Variants in MICU3 observed in about 807,000 individuals in gnomAD.
MICU3 encodes mitochondrial calcium uptake 3.
A neutral mutation model predicts 66.5 loss-of-function variants in MICU3; 62 were observed. The observed-to-expected ratio is 0.93, with a 90% CI of 0.76 to 1.15. The LOEUF is 1.15. MICU3 is among the 50% of genes most tolerant of loss of function. The pLI is 0.00. For missense variants in MICU3, 779 were observed against 664.4 expected (o/e 1.17, Z -1.90); for synonymous variants, 308 against 240.7 (o/e 1.28, Z -2.59).
At chr8:17,042,826 A>G (rs938468789) in intron 1 of MICU3, among the ~76,000 whole-genome samples, 2 of 151,444 alleles carry the variant, frequency 1.3e-5, no homozygotes, top group Non-Finnish European at 2.9e-5. Context: ...GATGATATCT[A>G]TCCAGTTGAC....
At chr8:17,070,657 AAG>A (rs1819438499) in intron 3 of MICU3, among the ~76,000 whole-genome samples, 1 of 151,366 alleles carries the variant, frequency 6.6e-6, no homozygotes, top group Non-Finnish European at 1.5e-5. Flanking sequence ...TTTTAAAAAA[AAG>A]AATATTAGAA....
intron 8 of MICU3, among the ~76,000 whole-genome samples, chr8:17,092,949 G>A (rs914036424): frequency 4.6e-5 from 7 of 151,970 alleles, no homozygotes; most frequent in Admixed American, 4.6e-4. Flanking sequence ...GTTTCCTCAG[G>A]GAAAGCAGTG....
At position 17,036,816 on chromosome 8, in the gene MICU3, G is replaced by A. The variant is rs192656960; in HGVS notation, c.381+9156G>A. Among the ~76,000 whole-genome samples, 1,408 of 152,340 alleles carry A rather than the reference G, an allele frequency of 9.2e-3. 25 individuals are homozygous for A. The highest frequency in any genetic ancestry group is 0.032 in the African/African-American group (1,319 of 41,592). ...CCTGCCAGTCCCGCGCCGTGCGCTCGCACTCCTCAGCCCTTGGGTGGTCGA... is the reference window on the plus strand; with the variant it reads ...CCTGCCAGTCCCGCGCCGTGCGCTCACACTCCTCAGCCCTTGGGTGGTCGA... On this transcript the variant is annotated intron_variant, in intron 1 of 14. Transcript: ENST00000318063.
intron 11 of MICU3, among the ~76,000 whole-genome samples, chr8:17,109,461 T>C (rs1170355281): frequency 6.6e-6 from 1 of 152,118 alleles, no homozygotes; most frequent in Non-Finnish European, 1.5e-5. Flanking sequence ...AAATATATCA[T>C]GATATATCTA....
intron 2 of MICU3, 76 bp downstream of exon 2, chr8:17,064,313 TAA>T (rs1253737744): frequency 1.6e-5 from 19 of 1,164,950 alleles, no homozygotes; most frequent in Non-Finnish European, 1.2e-6. Flanking sequence ...TGGAGCAGTA[TAA>T]GTTTTTTAGA....
chr8:17,054,884 GC>G (rs1816675627), intron 1 of MICU3, among the ~76,000 whole-genome samples: 1 of 151,358 alleles, frequency 6.6e-6, no homozygotes, highest in Admixed American at 6.6e-5. Flanking sequence ...GATTACAGGC[GC>G]CCGCCACCAT....
At chr8:17,079,306 T>A (rs750212070) in intron 4 of MICU3, among the ~76,000 whole-genome samples, 2 of 152,158 alleles carry the variant, frequency 1.3e-5, no homozygotes, top group Non-Finnish European at 2.9e-5. Flanking sequence ...TAGTTGTATT[T>A]GATTTTAAGT....
At chr8:17,043,794 C>G (rs1010926589) in intron 1 of MICU3, among the ~76,000 whole-genome samples, 6 of 152,188 alleles carry the variant, frequency 3.9e-5, no homozygotes, top group African/African-American at 1.4e-4. Flanking sequence ...TGATTCAAGT[C>G]TTTTATAATA....
intron 8 of MICU3, among the ~76,000 whole-genome samples, chr8:17,094,496 A>G (rs1424926188): frequency 6.6e-6 from 1 of 152,012 alleles, no homozygotes; most frequent in East Asian, 1.9e-4. Flanking sequence ...TGTTTTACAT[A>G]TTTTGCAGAT....
intron 4 of MICU3, among the ~76,000 whole-genome samples, chr8:17,078,078 T>A (rs1178496579): frequency 6.6e-6 from 1 of 152,012 alleles, no homozygotes; most frequent in Non-Finnish European, 1.5e-5. Context: ...TTCATGTTAT[T>A]GTTTATATAT....
In MICU3 at chr8:17,116,691, T is replaced by G. The variant is rs1050264875; in HGVS notation, c.1524+91T>G. ...AGTTGAGAAATAATTTATCTTAATT[T>G]CTTAAGGATATAAACATGAATGCTT... On this transcript the variant is annotated intron_variant, in intron 13 of 14. Transcript: ENST00000318063. The G allele has an allele frequency of 2.0e-5, 20 of 987,274 alleles. No individual in the cohort carries two copies. The Admixed American group carries it at 6.4e-4, about 32-fold the overall frequency. 61.2% of individuals were successfully genotyped at this position (987,274 alleles called of 1,614,324 possible). A position where few individuals can be genotyped will look rare whatever the true frequency, so the allele number is the denominator to read the frequency against.
intron 3 of MICU3, among the ~76,000 whole-genome samples, chr8:17,076,776 G>T (rs1012842695): frequency 1.3e-4 from 20 of 152,198 alleles, no homozygotes; most frequent in Admixed American, 1.2e-3. Context: ...TTGTGGTTCA[G>T]TAGGTCTGGG....
chr8:17,118,102 T>C lies in MICU3; in HGVS notation c.1525-605T>C, dbSNP rs574765801. Among the ~76,000 whole-genome samples the C allele has an allele frequency of 2.4e-4, 36 of 152,308 alleles. No individual in the cohort carries two copies. In the South Asian group the frequency reaches 2.7e-3, roughly 11 times the overall value. ...CCAGAAGTACTTGAAACAAGTTACATTGAAAATCGTTTATTTTGCCTCAAA... is the reference window on the plus strand; with the variant it reads ...CCAGAAGTACTTGAAACAAGTTACACTGAAAATCGTTTATTTTGCCTCAAA... On this transcript the variant is annotated intron_variant, in intron 13 of 14. Transcript: ENST00000318063.
chr8:17,030,462 G>A (rs1811827963), intron 1 of MICU3, among the ~76,000 whole-genome samples: 1 of 152,150 alleles, frequency 6.6e-6, no homozygotes, highest in Non-Finnish European at 1.5e-5. Context: ...GGAGAGATGA[G>A]AGGTGCAGTA....
intron 12 of MICU3, among the ~76,000 whole-genome samples, chr8:17,115,526 T>C (rs1372440959): frequency 2.0e-5 from 3 of 152,172 alleles, no homozygotes; most frequent in African/African-American, 7.2e-5. Flanking sequence ...TCACCTGTCT[T>C]GCAGGCGCTA....
intron 1 of MICU3, among the ~76,000 whole-genome samples, chr8:17,054,638 G>T (rs957088526): frequency 1.3e-5 from 2 of 151,956 alleles, no homozygotes; most frequent in African/African-American, 4.8e-5. Flanking sequence ...GGGTAGGTTT[G>T]TGGAGGCAGA....
At chr8:17,077,073 A>G (rs755675177) in intron 3 of MICU3, among the ~76,000 whole-genome samples, 2 of 152,224 alleles carry the variant, frequency 1.3e-5, no homozygotes, top group African/African-American at 2.4e-5. Context: ...ATGAGTAATG[A>G]TTCAAATGTC....
rs543144736 is a variant in MICU3 at position 17,031,197 on chromosome 8, G to C, written c.381+3537G>C. Among the ~76,000 whole-genome samples the C allele has an allele frequency of 8.6e-4, 130 of 151,812 alleles. 1 individual carries two copies. In the Middle Eastern group the frequency reaches 0.01, roughly 12 times the overall value. On this transcript the variant is annotated intron_variant, in intron 1 of 14. Coordinates refer to ENST00000318063, the MANE Select transcript of MICU3 (RefSeq NM_181723.3). ...TGCACCACTCCATTCCAGCCTAGGG[G>C]ACAGAGCATGACTTGGCTCAAGAAA...
chr8:17,092,143 T>C (rs975184841), intron 8 of MICU3, among the ~76,000 whole-genome samples: 10 of 152,236 alleles, frequency 6.6e-5, no homozygotes, highest in African/African-American at 2.2e-4. Context: ...CCCAAAGTGC[T>C]GGGATTACAC....
Sources: gnomAD v4.1 joint callset for allele counts (sites outside exome capture counted in the v4.1 genomes callset) on GRCh38, gnomAD v4.1.1 for gene constraint, MANE v1.5 for transcripts, NCBI Gene and HGNC (gene_info 2026-07-23, HGNC 2026-07-21) for gene names.